STK33: variants seen among roughly 807,000 people sequenced by gnomAD.
STK33 encodes serine/threonine kinase 33, also known as serine/threonine-protein kinase 33.
Under a neutral mutation model 58.0 loss-of-function variants are expected in STK33, and 52 were observed. That is an observed-to-expected ratio of 0.90 (90% CI 0.72 to 1.13). STK33 has a LOEUF of 1.13. Among genes scored for constraint, STK33 ranks in the 50% most tolerant of loss-of-function variants. The pLI is 0.00. For synonymous variants in STK33, 215 were observed against 200.1 expected, an observed-to-expected ratio of 1.07 and a Z score of -0.63; for missense variants, 630 against 604.2, an observed-to-expected ratio of 1.04 and a Z score of -0.45.
At chr11:8,378,320 A>T in the STK33 span, among the ~76,000 whole-genome samples, 1 of 152,194 alleles carries the variant, frequency 6.6e-6, no homozygotes, top group Non-Finnish European at 1.5e-5. Context: ...GGAGTTTGAG[A>T]CCAGCCTGAC....
chr11:8,446,048 A>G (rs976213276), intron 11 of STK33, among the ~76,000 whole-genome samples: 2 of 152,086 alleles, frequency 1.3e-5, no homozygotes, highest in African/African-American at 4.8e-5. Flanking sequence ...TACTGCCTCA[A>G]TTTCAGAATT....
At chr11:8,506,824 TTTTAA>T (rs897884798) in intron 1 of STK33, among the ~76,000 whole-genome samples, 3 of 152,178 alleles carry the variant, frequency 2.0e-5, no homozygotes, top group South Asian at 2.1e-4. Context: ...ACTTTTACCT[TTTTAA>T]TTTGATATAA....
At chr11:8,589,311 G>C (rs1054359883) in intron 1 of STK33, among the ~76,000 whole-genome samples, 1 of 152,128 alleles carries the variant, frequency 6.6e-6, no homozygotes, top group Admixed American at 6.6e-5. Context: ...CCATACAATG[G>C]AATTCTATTT....
chr11:8,544,438 G>C (rs1186264605), intron 1 of STK33, among the ~76,000 whole-genome samples: 2 of 149,938 alleles, frequency 1.3e-5, no homozygotes, highest in Non-Finnish European at 3.0e-5. Context: ...CAAATACTTA[G>C]AAGAATAATG....
intron 15 of STK33, among the ~76,000 whole-genome samples, chr11:8,402,749 C>G (rs951848598): frequency 3.9e-5 from 6 of 152,194 alleles, no homozygotes; most frequent in Non-Finnish European, 1.5e-5. Context: ...TCACAAAGAG[C>G]CAAGCCTCTT....
intron 1 of STK33, among the ~76,000 whole-genome samples, chr11:8,593,048 G>A (rs568448380): frequency 1.6e-3 from 238 of 152,300 alleles, no homozygotes; most frequent in African/African-American, 5.1e-3. Context: ...CTTGATGATT[G>A]TTTGGATATG....
chr11:8,420,537 C>A (rs1475630043), intron 14 of STK33, among the ~76,000 whole-genome samples: 3 of 152,182 alleles, frequency 2.0e-5, no homozygotes, highest in Admixed American at 6.5e-5. Context: ...AACTACAAAA[C>A]AAGAAAACTA....
At chr11:8,520,922 AG>A (rs1953364319) in intron 1 of STK33, among the ~76,000 whole-genome samples, 1 of 152,100 alleles carries the variant, frequency 6.6e-6, no homozygotes, top group Non-Finnish European at 1.5e-5. Context: ...ATACTGCACA[AG>A]GTAATTTATA....
At chr11:8,532,414 T>C (rs1284859849) in intron 1 of STK33, among the ~76,000 whole-genome samples, 1 of 152,242 alleles carries the variant, frequency 6.6e-6, no homozygotes, top group Non-Finnish European at 1.5e-5. Context: ...ACAGAGACCA[T>C]ATGGCCCACA....
intron 1 of STK33, among the ~76,000 whole-genome samples, chr11:8,538,395 G>C (rs1417746291): frequency 1.3e-5 from 2 of 152,154 alleles, no homozygotes; most frequent in African/African-American, 4.8e-5. Context: ...GGTAAAGCTA[G>C]AATATGAATC....
At chr11:8,484,204 T>C (rs758176069) in intron 1 of STK33, among the ~76,000 whole-genome samples, 3 of 152,208 alleles carry the variant, frequency 2.0e-5, no homozygotes, top group Non-Finnish European at 4.4e-5. Flanking sequence ...GCAACATGTA[T>C]AGATGGTGTG....
chr11:8,589,749 G>A (rs2032296506), intron 1 of STK33, among the ~76,000 whole-genome samples: 1 of 152,216 alleles, frequency 6.6e-6, no homozygotes, highest in African/African-American at 2.4e-5. Context: ...AAGCAATAAA[G>A]AAGTTAACTT....
chr11:8,371,934 G>A, the STK33 span, among the ~76,000 whole-genome samples: 47 of 150,232 alleles, frequency 3.1e-4, no homozygotes, highest in African/African-American at 1.1e-3. Context: ...TGCCCAGGCT[G>A]GAGTGCAGTG....
the STK33 span, among the ~76,000 whole-genome samples, chr11:8,360,300 C>T: frequency 3.3e-5 from 5 of 152,150 alleles, no homozygotes; most frequent in African/African-American, 2.4e-5. Flanking sequence ...GGGTTCAGGC[C>T]GGTTCCTCTG....
chr11:8,588,516 C>T (rs1054927389), intron 1 of STK33, among the ~76,000 whole-genome samples: 11 of 152,234 alleles, frequency 7.2e-5, no homozygotes, highest in African/African-American at 2.6e-4. Context: ...AAATCATAAA[C>T]AAAACTTAAC....
intron 1 of STK33, among the ~76,000 whole-genome samples, chr11:8,498,577 GA>G (rs1267236635): frequency 6.6e-6 from 1 of 151,524 alleles, no homozygotes; most frequent in Non-Finnish European, 1.5e-5. Context: ...CCCAGAACTG[GA>G]AAAAAAATAA....
the STK33 span, among the ~76,000 whole-genome samples, chr11:8,365,517 C>T: frequency 1.3e-5 from 2 of 152,198 alleles, no homozygotes; most frequent in Non-Finnish European, 2.9e-5. Flanking sequence ...GGGGCCTGAC[C>T]CAGGTTGGGC....
the STK33 span, among the ~76,000 whole-genome samples, chr11:8,353,974 G>T: frequency 6.6e-6 from 1 of 152,296 alleles, no homozygotes; most frequent in African/African-American, 2.4e-5. Flanking sequence ...CTGGGGACAA[G>T]GGTCAGGTTT....
intron 1 of STK33, among the ~76,000 whole-genome samples, chr11:8,576,998 T>A (rs1045790640): frequency 6.6e-6 from 1 of 152,110 alleles, no homozygotes; most frequent in African/African-American, 2.4e-5. Flanking sequence ...GATCCTCCTG[T>A]CTTAGCCTCC....
Sources: gnomAD v4.1 joint callset for allele counts (sites outside exome capture counted in the v4.1 genomes callset) on GRCh38, gnomAD v4.1.1 for gene constraint, MANE v1.5 for transcripts, NCBI Gene and HGNC (gene_info 2026-07-23, HGNC 2026-07-21) for gene names.